ITSN1: variants seen among roughly 807,000 people sequenced by gnomAD.
ITSN1 encodes intersectin 1.
In ITSN1, 58 loss-of-function variants were observed where a neutral mutation model predicts 239.8. The observed-to-expected ratio is 0.24, with a 90% CI of 0.20 to 0.30. The LOEUF (loss-of-function observed/expected upper bound fraction) is 0.30, where lower values mean the gene tolerates loss of function less well. ITSN1 is among the 10% of genes least tolerant of loss of function. The pLI, the probability that ITSN1 is intolerant of heterozygous loss-of-function variation, is 1.00. For synonymous variants in ITSN1, 780 were observed against 770.8 expected, an observed-to-expected ratio of 1.01 and a Z score of -0.20; for missense variants, 1,558 against 2,103.3, an observed-to-expected ratio of 0.74 and a Z score of 5.07.
chr21:33,755,250 G>T lies in ITSN1; in HGVS notation c.624-47G>T, dbSNP rs528432798. The T allele has an allele frequency of 3.0e-5, 34 of 1,140,598 alleles. 2 individuals carry two copies. In the South Asian group the frequency reaches 4.5e-4, roughly 15 times the overall value. 70.7% of individuals were successfully genotyped at this position (1,140,598 alleles called of 1,614,324 possible). ...TGTCATTAAGGAACTTTACCAGGCT[G>T]TTCCTTATGGATAATCCTCTTTCTC... is the stretch of plus-strand genomic sequence containing the variant. On this transcript the variant is annotated intron_variant, in intron 7 of 39. Coordinates refer to ENST00000381318, the MANE Select transcript of ITSN1 (RefSeq NM_003024.3).
chr21:33,695,596 G>T (rs774204002), intron 1 of ITSN1, among the ~76,000 whole-genome samples: 43 of 152,350 alleles, frequency 2.8e-4, no homozygotes, highest in South Asian at 6.2e-4. Context: ...AACTGGAATT[G>T]TGAATAAATT....
At chr21:33,843,199 A>G (rs886110002) in intron 29 of ITSN1, among the ~76,000 whole-genome samples, 4 of 152,204 alleles carry the variant, frequency 2.6e-5, no homozygotes, top group Non-Finnish European at 4.4e-5. Flanking sequence ...TTCTAGGCGT[A>G]CCATTTGATG....
At chr21:33,829,839 C>T (rs2074188790) in intron 27 of ITSN1, 94 bp downstream of exon 27, 1 of 1,389,238 alleles carries the variant, frequency 7.2e-7, no homozygotes, top group African/African-American at 1.4e-5. Flanking sequence ...GTACAAACCA[C>T]CCCTCACCAC....
At chr21:33,766,054 T>C (rs1330261553) in intron 10 of ITSN1, 42 bp downstream of exon 10, 2 of 1,606,290 alleles carry the variant, frequency 1.2e-6, no homozygotes, top group Non-Finnish European at 1.7e-6. Flanking sequence ...ATGCGGAGTA[T>C]ATGAATTCCA....
chr21:33,672,163 A>C (rs1411910616), intron 1 of ITSN1, among the ~76,000 whole-genome samples: 3 of 152,094 alleles, frequency 2.0e-5, no homozygotes, highest in Non-Finnish European at 4.4e-5. Flanking sequence ...GAATCGCTTG[A>C]ACCTGGGAGA....
intron 1 of ITSN1, among the ~76,000 whole-genome samples, chr21:33,671,896 A>G (rs2090310244): frequency 6.6e-6 from 1 of 152,176 alleles, no homozygotes; most frequent in Non-Finnish European, 1.5e-5. Context: ...CCTTTTTTGT[A>G]CATTTGTAGT....
chr21:33,690,933 C>T (rs2091518130), intron 1 of ITSN1, among the ~76,000 whole-genome samples: 1 of 148,134 alleles, frequency 6.8e-6, no homozygotes, highest in Non-Finnish European at 1.5e-5. Flanking sequence ...GTCCTGTTTC[C>T]ACTCTCACAT....
intron 29 of ITSN1, among the ~76,000 whole-genome samples, chr21:33,849,340 C>T (rs963023937): frequency 1.1e-4 from 17 of 152,006 alleles, no homozygotes; most frequent in Non-Finnish European, 1.5e-4. Flanking sequence ...CCAAGGCAGA[C>T]GGATCACTTG....
chr21:33,669,695 C>T (rs1181157907), intron 1 of ITSN1, among the ~76,000 whole-genome samples: 1 of 152,182 alleles, frequency 6.6e-6, no homozygotes, highest in African/African-American at 2.4e-5. Context: ...CCCACCTTGA[C>T]CTCCCAAAGT....
In ITSN1 at chr21:33,890,240, A is replaced by G. The variant is rs1986267649; in HGVS notation, c.*1940A>G. ...TTAGTGTATTTATGAAAGATATGCT[A>G]CCATGGTAGAAAGAAAAGTATTCAA... On this transcript the variant is annotated 3_prime_UTR_variant, in exon 40 of 40. Coordinates refer to ENST00000381318, the MANE Select transcript of ITSN1 (RefSeq NM_003024.3). 1 of 152,114 alleles carries G rather than the reference A, an allele frequency of 6.6e-6. No homozygotes were observed. Among genetic ancestry groups the G allele is most frequent in the African/African-American group, 2.4e-5 (1 of 41,348 alleles). The allele number at this position is 152,114 out of a possible 1,614,324, so 9.4% of individuals were successfully genotyped here. A position where few individuals can be genotyped will look rare whatever the true frequency, so the allele number is the denominator to read the frequency against.
At chr21:33,824,393 CATTTAACAGA>C (rs1179924907) in intron 25 of ITSN1, among the ~76,000 whole-genome samples, 1 of 152,010 alleles carries the variant, frequency 6.6e-6, no homozygotes. Context: ...TAAATGGAGT[CATTTAACAGA>C]TCCAATGCAC....
intron 11 of ITSN1, among the ~76,000 whole-genome samples, chr21:33,771,205 A>C (rs919122030): frequency 1.3e-5 from 2 of 152,228 alleles, no homozygotes; most frequent in African/African-American, 4.8e-5. Flanking sequence ...GTCTGTCTAA[A>C]GCAGTGAAGT....
intron 29 of ITSN1, among the ~76,000 whole-genome samples, chr21:33,840,989 G>C (rs906559347): frequency 6.6e-6 from 1 of 152,036 alleles, no homozygotes; most frequent in African/African-American, 2.4e-5. Context: ...CCACACTGCA[G>C]AGCAGGCCTG....
In ITSN1 at chr21:33,864,106, T is replaced by C. The variant is rs138511665; in HGVS notation, c.3891-1045T>C. Among the ~76,000 whole-genome samples, 59 of 152,350 alleles carry C rather than the reference T, an allele frequency of 3.9e-4. 1 individual carries two copies. Among genetic ancestry groups the C allele is most frequent in the African/African-American group, 1.4e-3 (57 of 41,578 alleles). ...TGAAGTTTTTAAAGCCTAATATAAA[T>C]ATTGCAGAGCTTCCTTGGAATTCAA... On this transcript the variant is annotated intron_variant, in intron 31 of 39. Coordinates refer to ENST00000381318, the MANE Select transcript of ITSN1 (RefSeq NM_003024.3).
chr21:33,668,048 C>G (rs1218926131), intron 1 of ITSN1, among the ~76,000 whole-genome samples: 2 of 152,116 alleles, frequency 1.3e-5, no homozygotes, highest in Non-Finnish European at 2.9e-5. Flanking sequence ...TGGACCTTTC[C>G]TTCCTAGAGA....
chr21:33,807,944 G>A (rs1449962664), intron 20 of ITSN1, among the ~76,000 whole-genome samples: 2 of 151,946 alleles, frequency 1.3e-5, no homozygotes, highest in Non-Finnish European at 2.9e-5. Context: ...CCAGCACTTT[G>A]GGAGGCCGAG....
chr21:33,844,579 A>C (rs369350946), intron 29 of ITSN1, among the ~76,000 whole-genome samples: 2 of 152,136 alleles, frequency 1.3e-5, no homozygotes, highest in Non-Finnish European at 2.9e-5. Context: ...ATGCTGCCCC[A>C]AAGCGCTGTC....
At chr21:33,818,207 TG>T in intron 22 of ITSN1, 59 bp from the exon 23 acceptor site, 1 of 1,426,958 alleles carries the variant, frequency 7.0e-7, no homozygotes. Context: ...TGCTCACGTC[TG>T]CCCTAATTGA....
chr21:33,734,725 G>A (rs1601907634), intron 4 of ITSN1, among the ~76,000 whole-genome samples: 2 of 152,106 alleles, frequency 1.3e-5, no homozygotes, highest in Admixed American at 6.6e-5. Flanking sequence ...AGAGTTGTGC[G>A]ACAGTCACTA....
Sources: allele counts gnomAD v4.1 joint callset (sites outside exome capture counted in the v4.1 genomes callset), GRCh38; gene constraint gnomAD v4.1.1; transcripts MANE v1.5; gene names NCBI Gene and HGNC (gene_info 2026-07-23, HGNC 2026-07-21).